Variants in NRXN1 observed in about 807,000 individuals in gnomAD.
The protein encoded by NRXN1 is neurexin 1.
NRXN1 carries 39 observed loss-of-function variants against 150.9 expected under a neutral mutation model. That is an observed-to-expected ratio of 0.26 (90% CI 0.20 to 0.34). The LOEUF (loss-of-function observed/expected upper bound fraction) is 0.34. NRXN1 is among the 10% of genes least tolerant of loss of function. The pLI is 1.00. For missense variants in NRXN1, 1,815 were observed against 1,949.9 expected (o/e 0.93, Z 1.30); for synonymous variants, 924 against 757.0 (o/e 1.22, Z -3.62).
In NRXN1 at chr2:50,847,109, G is replaced by C. The variant is rs574385305; in HGVS notation, c.832+74760C>G. On this transcript the variant is annotated intron_variant, in intron 5 of 22. Coordinates refer to ENST00000401669, the MANE Select transcript of NRXN1 (RefSeq NM_001330078.2). ...ATTGGCAAGGTATCTCTGACATGAG[G>C]GTCTTGTGACATGCATCAGGGGGAG... 5.3e-5 allele frequency among the ~76,000 whole-genome samples: 8 copies of C among 152,164 alleles called. 1 individual carries two copies. The South Asian group carries it at 1.7e-3, about 32-fold the overall frequency.
rs75329851 is a variant in NRXN1 at position 50,207,204 on chromosome 2, T to C, written c.3546+29585A>G. Among the ~76,000 whole-genome samples, 1,244 of 152,222 alleles carry C rather than the reference T, an allele frequency of 8.2e-3. 23 individuals are homozygous for C. Among genetic ancestry groups the C allele is most frequent in the African/African-American group, 0.028 (1,180 of 41,566 alleles). ...CACCAAACTATCTTCACATTTTATC[T>C]ACCTGATTTAAAATACAAAATCTTT... On this transcript the variant is annotated intron_variant, in intron 18 of 22. Coordinates refer to ENST00000401669, the MANE Select transcript of NRXN1 (RefSeq NM_001330078.2).
At chr2:50,823,459 C>A (rs1243867034) in intron 5 of NRXN1, among the ~76,000 whole-genome samples, 1 of 152,088 alleles carries the variant, frequency 6.6e-6, no homozygotes, top group Non-Finnish European at 1.5e-5. Flanking sequence ...ATAATAGATA[C>A]TCCATAAATT....
At position 50,922,901 on chromosome 2, in the gene NRXN1, T is replaced by C. The variant is rs116258109; in HGVS notation, c.791-214A>G. Among the ~76,000 whole-genome samples the C allele has an allele frequency of 3.5e-3, 527 of 152,000 alleles. 2 individuals carry two copies. The highest frequency in any genetic ancestry group is 6.1e-3 in the Non-Finnish European group (411 of 67,866). ...CTGCGTTTTAAACACTGGCATATGCTGCACTGTGTATTTCTTCCATGCATC... is the reference window on the plus strand; with the variant it reads ...CTGCGTTTTAAACACTGGCATATGCCGCACTGTGTATTTCTTCCATGCATC... On this transcript the variant is annotated intron_variant, in intron 3 of 22. Transcript: ENST00000401669.
intron 17 of NRXN1, among the ~76,000 whole-genome samples, chr2:50,445,349 A>G (rs930969461): frequency 5.3e-5 from 8 of 152,212 alleles, no homozygotes; most frequent in African/African-American, 1.9e-4. Flanking sequence ...CTCTCAGTGC[A>G]TATACCTAAC....
At chr2:50,013,644 C>T (rs2095567483) in intron 21 of NRXN1, among the ~76,000 whole-genome samples, 1 of 152,106 alleles carries the variant, frequency 6.6e-6, no homozygotes, top group Non-Finnish European at 1.5e-5. Context: ...GAAATGTATG[C>T]TACTGCTTCC....
intron 17 of NRXN1, among the ~76,000 whole-genome samples, chr2:50,313,082 TGATATTTCTATGGGAA>T (rs762947895): frequency 4.6e-5 from 7 of 151,822 alleles, no homozygotes; most frequent in Non-Finnish European, 1.0e-4. Context: ...AAGAAGAGAG[TGATATTTCTATGGGAA>T]GATTTAGGTC....
At chr2:50,078,676 T>A (rs1447993674) in intron 19 of NRXN1, among the ~76,000 whole-genome samples, 6 of 152,108 alleles carry the variant, frequency 3.9e-5, no homozygotes, top group Non-Finnish European at 8.8e-5. Context: ...GGCCATTTTG[T>A]AAAATGTCCC....
intron 18 of NRXN1, among the ~76,000 whole-genome samples, chr2:50,132,594 C>T (rs1308067180): frequency 3.3e-5 from 5 of 152,054 alleles, no homozygotes; most frequent in African/African-American, 1.2e-4. Context: ...CATGAGCCAC[C>T]GCGACCGGCC....
rs943987566 is a variant in NRXN1, at chr2:49,921,919, C to A, written c.*25G>T. The A allele has an allele frequency of 1.9e-6, 3 of 1,603,882 alleles. No individual in the cohort carries two copies. The East Asian group carries it at 6.7e-5, about 36-fold the overall frequency. ...AGATAAAATGAAGACTATTTCTATA[C>A]AAGTGTCCATTTAAGATCTTGGGAT... On this transcript the variant is annotated 3_prime_UTR_variant, in exon 23 of 23. Transcript: ENST00000401669.
intron 8 of NRXN1, among the ~76,000 whole-genome samples, chr2:50,613,830 C>A (rs545082015): frequency 6.6e-6 from 1 of 152,086 alleles, no homozygotes. Context: ...CCCAGCTACT[C>A]GGGAGGCTGA....
intron 5 of NRXN1, among the ~76,000 whole-genome samples, chr2:50,685,061 C>A (rs1691016472): frequency 6.6e-6 from 1 of 152,088 alleles, no homozygotes; most frequent in African/African-American, 2.4e-5. Flanking sequence ...ATTATAAATT[C>A]AATTTTGGCT....
At chr2:50,096,564 C>A (rs1035168798) in intron 18 of NRXN1, among the ~76,000 whole-genome samples, 2 of 152,106 alleles carry the variant, frequency 1.3e-5, no homozygotes, top group Non-Finnish European at 2.9e-5. Flanking sequence ...TCTTTATCTC[C>A]CTGTACATGT....
At chr2:50,651,771 A>G (rs903523794) in intron 5 of NRXN1, among the ~76,000 whole-genome samples, 1 of 152,020 alleles carries the variant, frequency 6.6e-6, no homozygotes, top group Non-Finnish European at 1.5e-5. Context: ...TGGGATTAGT[A>G]CAGCTTGTAC....
At chr2:50,036,660 G>C (rs543408681) in intron 21 of NRXN1, among the ~76,000 whole-genome samples, 1 of 152,212 alleles carries the variant, frequency 6.6e-6, no homozygotes, top group African/African-American at 2.4e-5. Context: ...CAAAATTCTT[G>C]CAATTCCTCT....
intron 5 of NRXN1, among the ~76,000 whole-genome samples, chr2:50,858,286 G>T (rs2106013406): frequency 6.6e-6 from 1 of 152,082 alleles, no homozygotes; most frequent in East Asian, 1.9e-4. Context: ...AGGCTTTGAT[G>T]AACAAAACAC....
intron 17 of NRXN1, among the ~76,000 whole-genome samples, chr2:50,240,651 A>G (rs548065235): frequency 6.6e-6 from 1 of 151,856 alleles, no homozygotes; most frequent in South Asian, 2.1e-4. Flanking sequence ...CTCTAGACTC[A>G]GAGAGATCTG....
chr2:50,900,464 G>GT, intron 5 of NRXN1, among the ~76,000 whole-genome samples: 1 of 152,120 alleles, frequency 6.6e-6, no homozygotes, highest in East Asian at 1.9e-4. Context: ...ATATTTGTCA[G>GT]TATCAATTAA....
At chr2:50,567,057 G>A (rs372277239) in intron 8 of NRXN1, among the ~76,000 whole-genome samples, 1 of 152,054 alleles carries the variant, frequency 6.6e-6, no homozygotes. Flanking sequence ...CTTGATGTCA[G>A]GATAATTGTT....
chr2:50,898,303 CT>C (rs1471326999), intron 5 of NRXN1, among the ~76,000 whole-genome samples: 1 of 152,088 alleles, frequency 6.6e-6, no homozygotes, highest in Non-Finnish European at 1.5e-5. Flanking sequence ...CACTTTCTTA[CT>C]GCTTTCAATG....
Sources: gnomAD v4.1 joint callset for allele counts (sites outside exome capture counted in the v4.1 genomes callset) on GRCh38, gnomAD v4.1.1 for gene constraint, MANE v1.5 for transcripts, NCBI Gene and HGNC (gene_info 2026-07-23, HGNC 2026-07-21) for gene names.